The following MTDH variants were observed in gnomAD, a reference collection of about 807,000 sequenced individuals.
MTDH encodes the protein metadherin, also known as protein LYRIC.
A neutral mutation model predicts 72.7 loss-of-function variants in MTDH; 34 were observed. The ratio of observed to expected loss-of-function variants is 0.47; its 90% CI spans 0.36 to 0.62. MTDH has a LOEUF of 0.62. MTDH is among the 20% of genes least tolerant of loss of function. The probability of loss-of-function intolerance (pLI) is 0.00; values close to 1 mark genes in which losing one functional copy is unlikely to be tolerated. For synonymous variants in MTDH, 266 were observed against 268.9 expected (o/e 0.99, Z 0.10); for missense variants, 677 against 699.4 (o/e 0.97, Z 0.36).
At chr8:97,700,447 T>C (rs561770195) in intron 7 of MTDH, among the ~76,000 whole-genome samples, 20 of 152,352 alleles carry the variant, frequency 1.3e-4, no homozygotes, top group African/African-American at 4.3e-4. Flanking sequence ...TTAGCACTTA[T>C]ATGTTCCCTG....
chr8:97,722,671 T>G (rs572892536), intron 10 of MTDH, among the ~76,000 whole-genome samples: 3 of 152,358 alleles, frequency 2.0e-5, no homozygotes, highest in Admixed American at 2.0e-4. Context: ...TTTCATACCT[T>G]CATTTTTATC....
Position 97,729,885 on chromosome 8 carries a change from G to A in MTDH, c.*5215G>A, listed in dbSNP as rs926084640. Among the ~76,000 whole-genome samples, 2 of 152,090 alleles carry A rather than the reference G, an allele frequency of 1.3e-5. No homozygotes were observed. Among genetic ancestry groups the A allele is most frequent in the Admixed American group, 6.6e-5 (1 of 15,248 alleles). On this transcript the variant is annotated 3_prime_UTR_variant, in exon 12 of 12. Transcript: ENST00000336273. ...GAGAGAAACTTAGTAGCCTGCCTGC[G>A]CATACTGCAAGTACAGACTATATAA... is the stretch of plus-strand genomic sequence containing the variant.
At chr8:97,667,422 G>T (rs1341401047) in intron 2 of MTDH, among the ~76,000 whole-genome samples, 3 of 152,198 alleles carry the variant, frequency 2.0e-5, no homozygotes, top group Non-Finnish European at 4.4e-5. Context: ...TCTGTGTGAT[G>T]AAATGGAATA....
chr8:97,688,043 C>T (rs533694553), intron 4 of MTDH, among the ~76,000 whole-genome samples: 2 of 152,208 alleles, frequency 1.3e-5, no homozygotes, highest in South Asian at 4.1e-4. Flanking sequence ...TTCTTATCAC[C>T]CCACCTTTTT....
At chr8:97,713,287 A>G (rs561904917) in intron 8 of MTDH, among the ~76,000 whole-genome samples, 15 of 152,058 alleles carry the variant, frequency 9.9e-5, no homozygotes, top group Admixed American at 8.5e-4. Flanking sequence ...GGGTTTCACC[A>G]TGTTAGCCAG....
intron 2 of MTDH, among the ~76,000 whole-genome samples, chr8:97,680,907 T>C (rs952107271): frequency 1.3e-5 from 2 of 152,210 alleles, no homozygotes; most frequent in Non-Finnish European, 2.9e-5. Context: ...TCTCTTGTTC[T>C]TTTGCTTTTA....
At chr8:97,708,939 G>A (rs1198887897) in intron 8 of MTDH, among the ~76,000 whole-genome samples, 1 of 151,932 alleles carries the variant, frequency 6.6e-6, no homozygotes, top group East Asian at 2.0e-4. Flanking sequence ...CGGGCACAGT[G>A]GCTCCCACTT....
chr8:97,652,987 C>T lies in MTDH; in HGVS notation c.382-8085C>T, dbSNP rs371495586. On this transcript the variant is annotated intron_variant, in intron 1 of 11. Coordinates refer to ENST00000336273, the MANE Select transcript of MTDH (RefSeq NM_178812.4). ...TACAAAAATCAGCCAGGCATGGTGG[C>T]GTGCACCTATAGTCCCAGCTACTCA... is the stretch of plus-strand genomic sequence containing the variant. Among the ~76,000 whole-genome samples, 355 of 152,080 alleles carry T rather than the reference C, an allele frequency of 2.3e-3. 16 individuals carry two copies. In the South Asian group the frequency reaches 0.072, roughly 31 times the overall value.
chr8:97,717,622 TCCC>T (rs35043860), intron 9 of MTDH, among the ~76,000 whole-genome samples: 3 of 132,872 alleles, frequency 2.3e-5, no homozygotes, highest in African/African-American at 8.2e-5. Flanking sequence ...TAAATTTTTA[TCCC>T]CCCCCCCCCA....
intron 10 of MTDH, among the ~76,000 whole-genome samples, chr8:97,721,079 C>T (rs1053062243): frequency 6.6e-6 from 1 of 151,932 alleles, no homozygotes; most frequent in Non-Finnish European, 1.5e-5. Context: ...AAATAAGTAA[C>T]AATAAAACTT....
intron 6 of MTDH, among the ~76,000 whole-genome samples, chr8:97,695,629 G>C (rs866996185): frequency 6.6e-6 from 1 of 152,136 alleles, no homozygotes; most frequent in African/African-American, 2.4e-5. Context: ...GGAGGTTTAC[G>C]TTCTTTAAAA....
intron 7 of MTDH, 187 bp from the exon 8 acceptor site, chr8:97,706,439 T>C (rs1814354571): frequency 2.5e-6 from 1 of 392,166 alleles, no homozygotes; most frequent in Non-Finnish European, 4.3e-6. Context: ...CCATATGATA[T>C]GCTTAGCAGA....
chr8:97,666,127 CAAAA>C (rs1232775004), intron 2 of MTDH, among the ~76,000 whole-genome samples: 1 of 68,224 alleles, frequency 1.5e-5, no homozygotes, highest in African/African-American at 4.9e-5. Context: ...GACTCCGTCT[CAAAA>C]AAAAAAAAAA....
chr8:97,666,115 G>A (rs568083653), intron 2 of MTDH, among the ~76,000 whole-genome samples: 16 of 142,518 alleles, frequency 1.1e-4, no homozygotes, highest in African/African-American at 4.0e-4. Context: ...GCGACAGAGC[G>A]AGACTCCGTC....
In MTDH at chr8:97,727,897, G is replaced by A. The variant is rs982254835; in HGVS notation, c.*3227G>A. ...AGTCCAAAAAAAAAAGTATTAAAAT[G>A]TGATTGATGTAATTTACCATGTTTA... On this transcript the variant is annotated 3_prime_UTR_variant, in exon 12 of 12. Transcript: ENST00000336273. 1 of 152,104 alleles carries A rather than the reference G, an allele frequency of 6.6e-6. No individual in the cohort carries two copies. The highest frequency in any genetic ancestry group is 2.4e-5 in the African/African-American group (1 of 41,410). The allele number at this position is 152,104 out of a possible 1,614,324, so 9.4% of individuals were successfully genotyped here.
At chr8:97,679,584 C>T (rs1259691047) in intron 2 of MTDH, among the ~76,000 whole-genome samples, 2 of 152,032 alleles carry the variant, frequency 1.3e-5, no homozygotes, top group African/African-American at 4.8e-5. Flanking sequence ...ATATTTAATA[C>T]CAGATATTAA....
intron 1 of MTDH, among the ~76,000 whole-genome samples, chr8:97,654,726 C>T (rs1225673643): frequency 6.6e-6 from 1 of 151,950 alleles, no homozygotes; most frequent in African/African-American, 2.4e-5. Context: ...TGCCTTTTAT[C>T]TTTTTTATGA....
intron 1 of MTDH, among the ~76,000 whole-genome samples, chr8:97,657,628 C>G (rs1047278138): frequency 6.6e-6 from 1 of 151,944 alleles, no homozygotes; most frequent in Admixed American, 6.6e-5. Context: ...TTCAGTCCCT[C>G]GAGTAGCTGG....
At chr8:97,645,019 A>G in intron 1 of MTDH, 132 bp downstream of exon 1, 2 of 1,023,072 alleles carry the variant, frequency 2.0e-6, no homozygotes, top group Non-Finnish European at 2.7e-6. Flanking sequence ...AGCACTCCCA[A>G]GTGGAGGAGG....
Sources: gnomAD v4.1 joint callset for allele counts (sites outside exome capture counted in the v4.1 genomes callset) on GRCh38, gnomAD v4.1.1 for gene constraint, MANE v1.5 for transcripts, NCBI Gene and HGNC (gene_info 2026-07-23, HGNC 2026-07-21) for gene names.